PKHD1L1: variants seen among roughly 807,000 people sequenced by gnomAD.
PKHD1L1 encodes the protein fibrocystin-L.
Under a neutral mutation model 462.9 loss-of-function variants are expected in PKHD1L1, and 434 were observed. The ratio of observed to expected loss-of-function variants is 0.94; its 90% CI spans 0.87 to 1.02. The LOEUF (loss-of-function observed/expected upper bound fraction) is 1.02, where lower values mean the gene tolerates loss of function less well. PKHD1L1 is among the 50% of genes least tolerant of loss of function. The pLI is 0.00. For synonymous variants in PKHD1L1, 1,781 were observed against 1,750.0 expected (o/e 1.02, Z -0.44); for missense variants, 5,202 against 5,096.1 (o/e 1.02, Z -0.63).
rs770818940 is a variant in PKHD1L1 at position 109,398,559 on chromosome 8, A to G, written c.1012+11A>G. 10 of 1,389,200 alleles carry G rather than the reference A, an allele frequency of 7.2e-6. No individual in the cohort carries two copies. Among genetic ancestry groups the G allele is most frequent in the Admixed American group, 2.0e-5 (1 of 50,376 alleles). 86.1% of individuals were successfully genotyped at this position (1,389,200 alleles called of 1,614,324 possible). On this transcript the variant is annotated intron_variant, in intron 12 of 77. Transcript: ENST00000378402. The stretch of plus-strand genomic sequence containing the variant: ...AAACTGTATATCCAGGTAAGTTACC[A>G]TAAGGGACAATGGCCATTTCTATAT...
Position 109,518,292 on chromosome 8 carries a change from T to G in PKHD1L1, c.11815T>G (p.Phe3939Val). ...PVEIHTATVI[F>V]VSFQLSVATE... is the part of the protein sequence containing the mutation. ...TGAAATTCACACTGCCACAGTGATA[T>G]TTGTTTCTTTCCAATTATCTGTTGC... Residue 3939 changes from phenylalanine to valine, a missense_variant, in exon 73 of 78, where the codon TTT becomes GTT. Phe to Val is a conservative substitution (Grantham distance 50). Around this residue, in one of 3 missense-constraint regions of PKHD1L1, gnomAD observed 698 missense variants for 736.3 expected, o/e 0.95. Coordinates refer to ENST00000378402, the MANE Select transcript of PKHD1L1 (RefSeq NM_177531.6). The G allele has an allele frequency of 6.2e-7, 1 of 1,612,360 alleles. No individual in the cohort carries two copies.
intron 44 of PKHD1L1, among the ~76,000 whole-genome samples, chr8:109,454,459 A>G (rs1442307204): frequency 6.6e-6 from 1 of 152,204 alleles, no homozygotes; most frequent in East Asian, 1.9e-4. Context: ...ATATTCCCAT[A>G]GAGCAGAATT....
rs1174484137 is a variant in PKHD1L1, at chr8:109,534,712, G to C, written c.*4622G>C. Among the ~76,000 whole-genome samples, 1 of 152,182 alleles carries C rather than the reference G, an allele frequency of 6.6e-6. No individual in the cohort carries two copies. The highest frequency in any genetic ancestry group is 1.5e-5 in the Non-Finnish European group (1 of 68,028). On this transcript the variant is annotated 3_prime_UTR_variant, in exon 78 of 78. Transcript: ENST00000378402. ...CACTGTGTAAGACCAAATAGGAAAA[G>C]TCTGCCACAGGGGACACAGTAGGTA...
At chr8:109,476,718 G>T in intron 52 of PKHD1L1, 51 bp downstream of exon 52, 3 of 1,498,038 alleles carry the variant, frequency 2.0e-6, no homozygotes, top group Non-Finnish European at 2.7e-6. Flanking sequence ...TTGTCTAAAA[G>T]ATGAGAAAAA....
At position 109,438,443 on chromosome 8, in the gene PKHD1L1, A is replaced by G. The variant is rs1815565641; in HGVS notation, c.3747A>G (p.Val1249=). Residue 1249 remains valine, a synonymous_variant, in exon 31 of 78, where the codon GTA becomes GTG. Coordinates refer to ENST00000378402, the MANE Select transcript of PKHD1L1 (RefSeq NM_177531.6). ...TPIITDFSPK[V]RTILGEVNLT... ...TTATAACTGATTTTAGTCCAAAAGT[A>G]CGAACAATACTAGGTAAGAAATTCT... is the stretch of plus-strand genomic sequence containing the variant. 2 of 1,541,198 alleles carry G rather than the reference A, an allele frequency of 1.3e-6. No homozygotes were observed.
At chr8:109,514,978 G>T (rs1166884988) in intron 71 of PKHD1L1, among the ~76,000 whole-genome samples, 192 bp from the exon 72 acceptor site, 2 of 152,010 alleles carry the variant, frequency 1.3e-5, no homozygotes, top group African/African-American at 4.8e-5. Flanking sequence ...TCAATTAAGG[G>T]TTAAGTTGTA....
rs1813078620 is a variant in PKHD1L1, at chr8:109,398,274, T to C, written c.923-185T>C. Reference sequence around the variant, plus strand: ...TTCCACCAGAAAAAAATGTTGCTTTTTGGAAGTATGACAATTATTATGTGA... The same window carrying C: ...TTCCACCAGAAAAAAATGTTGCTTTCTGGAAGTATGACAATTATTATGTGA... On this transcript the variant is annotated intron_variant, in intron 11 of 77. Transcript: ENST00000378402. 1.3e-5 allele frequency among the ~76,000 whole-genome samples: 2 copies of C among 152,194 alleles called. 1 individual carries two copies. Among genetic ancestry groups the C allele is most frequent in the South Asian group, 4.1e-4 (2 of 4,830 alleles).
chr8:109,367,558 A>G (rs1270079784), intron 2 of PKHD1L1, among the ~76,000 whole-genome samples: 1 of 152,228 alleles, frequency 6.6e-6, no homozygotes, highest in Non-Finnish European at 1.5e-5. Flanking sequence ...ATTGACTTGT[A>G]AACATTTGCC....
Position 109,477,289 on chromosome 8 carries a change from AG to A in PKHD1L1, c.8983del (p.Asp2995ThrfsTer61). ...CTGGGAACCTGGATCCTGATGTGAA[AG>A]ACGTTGTTATTAATTTCCAAGCTTA... ...ISGNLDPDVK[D>X]VVINFQAYCC... On this transcript the variant is annotated frameshift_variant, in exon 53 of 78. Coordinates refer to ENST00000378402, the MANE Select transcript of PKHD1L1 (RefSeq NM_177531.6). LOFTEE classifies it high-confidence loss of function. 1 of 1,613,580 alleles carries A rather than the reference AG, an allele frequency of 6.2e-7. No homozygotes were observed. Among genetic ancestry groups the A allele is most frequent in the Non-Finnish European group, 8.5e-7 (1 of 1,179,656 alleles).
Position 109,413,466 on chromosome 8 carries a change from A to T in PKHD1L1, c.2281A>T (p.Lys761Ter). 2 of 1,581,738 alleles carry T rather than the reference A, an allele frequency of 1.3e-6. No individual in the cohort carries two copies. The highest frequency in any genetic ancestry group is 1.7e-6 in the Non-Finnish European group (2 of 1,161,742). The change falls in exon 21 of 78, where the codon AAA becomes TAA. Residue 761 changes from lysine (K) to a stop codon, truncating the protein, a stop_gained. Coordinates refer to ENST00000378402, the MANE Select transcript of PKHD1L1 (RefSeq NM_177531.6). LOFTEE classifies it high-confidence loss of function. ...KGFLANYIGL[K>*]FQYQDNSKIT... ...ATTCCTGGCAAATTATATTGGTCTA[A>T]AATTTCAGTACCAAGACAATAGCAA...
At position 109,377,883 on chromosome 8, in the gene PKHD1L1, T is replaced by C. The variant is rs968802053; in HGVS notation, c.164-3487T>C. ...AAATATAAAATATTCTTATATGGCA[T>C]ACAAGGCTTAATCTATATTTAATTA... On this transcript the variant is annotated intron_variant, in intron 2 of 77. Coordinates refer to ENST00000378402, the MANE Select transcript of PKHD1L1 (RefSeq NM_177531.6). 1.4e-4 allele frequency among the ~76,000 whole-genome samples: 21 copies of C among 152,352 alleles called. 1 individual carries two copies. The South Asian group carries it at 4.1e-3, about 30-fold the overall frequency.
At chr8:109,475,378 A>G (rs1040542577) in intron 51 of PKHD1L1, 109 bp downstream of exon 51, 11 of 918,190 alleles carry the variant, frequency 1.2e-5, no homozygotes, top group African/African-American at 6.9e-5. Context: ...TTCATCACAA[A>G]TTGAGCTATT....
intron 70 of PKHD1L1, among the ~76,000 whole-genome samples, chr8:109,508,903 A>G (rs1819836105): frequency 6.6e-6 from 1 of 152,084 alleles, no homozygotes; most frequent in Non-Finnish European, 1.5e-5. Flanking sequence ...GGCTTTTTGA[A>G]TAAGATGAAC....
Position 109,450,967 on chromosome 8 carries a change from T to C in PKHD1L1, c.6176-8T>C. 1 of 1,587,012 alleles carries C rather than the reference T, an allele frequency of 6.3e-7. No homozygotes were observed. On this transcript the variant is annotated splice_region_variant and splice_polypyrimidine_tract_variant and intron_variant, in intron 40 of 77. Coordinates refer to ENST00000378402, the MANE Select transcript of PKHD1L1 (RefSeq NM_177531.6). ...AGAACTGCATTCAGTCTGATCTTCC[T>C]TTCATAGGCACGGGAGCTGAGCAAG...
At chr8:109,383,398 AT>A (rs1217394214) in intron 4 of PKHD1L1, among the ~76,000 whole-genome samples, 4 of 116,582 alleles carry the variant, frequency 3.4e-5, no homozygotes, top group Non-Finnish European at 4.9e-5. Flanking sequence ...TATATTATAT[AT>A]TACGTATAAT....
In PKHD1L1 at chr8:109,517,454, T is replaced by TTGTC. The variant is rs1820329691; in HGVS notation, c.11690-710_11690-707dup. Among the ~76,000 whole-genome samples the TTGTC allele has an allele frequency of 2.0e-5, 3 of 152,268 alleles. No individual in the cohort carries two copies. In the East Asian group the frequency reaches 5.8e-4, roughly 29 times the overall value. On this transcript the variant is annotated intron_variant, in intron 72 of 77. Coordinates refer to ENST00000378402, the MANE Select transcript of PKHD1L1 (RefSeq NM_177531.6). ...CCACCACTATTACACAATTCAGTGTTTGTCTGGGCTCAATAAGTGTTAGTG... is the reference window on the plus strand; with the variant it reads ...CCACCACTATTACACAATTCAGTGTTTGTCTGTCTGGGCTCAATAAGTGTTAGTG...
intron 2 of PKHD1L1, among the ~76,000 whole-genome samples, chr8:109,374,096 AGTGGG>A (rs1811671953): frequency 6.6e-6 from 1 of 152,118 alleles, no homozygotes; most frequent in Non-Finnish European, 1.5e-5. Context: ...TAATGTTGAC[AGTGGG>A]GTGTTAGACT....
At chr8:109,459,160 TGG>T (rs1816974472) in intron 46 of PKHD1L1, among the ~76,000 whole-genome samples, 3 of 152,088 alleles carry the variant, frequency 2.0e-5, no homozygotes, top group African/African-American at 7.2e-5. Flanking sequence ...CTGTGTATCA[TGG>T]GATGCTTAGA....
At chr8:109,474,191 T>C (rs1273485055) in intron 50 of PKHD1L1, among the ~76,000 whole-genome samples, 1 of 152,218 alleles carries the variant, frequency 6.6e-6, no homozygotes, top group Non-Finnish European at 1.5e-5. Flanking sequence ...GGAATTTTGT[T>C]GGGCCTTATT....
Sources: allele counts gnomAD v4.1 joint callset (sites outside exome capture counted in the v4.1 genomes callset), GRCh38; gene constraint gnomAD v4.1.1; regional missense constraint gnomAD v4.1.1; transcripts MANE v1.5; gene names NCBI Gene and HGNC (gene_info 2026-07-23, HGNC 2026-07-21).